The following MRPL3 variants were observed in gnomAD, a reference collection of about 807,000 sequenced individuals.
The protein encoded by MRPL3 is mitochondrial ribosomal protein L3.
MRPL3 carries 43 observed loss-of-function variants against 44.3 expected under a neutral mutation model. The observed-to-expected ratio is 0.97, with a 90% CI of 0.76 to 1.25. The LOEUF (loss-of-function observed/expected upper bound fraction) is 1.25, where lower values mean the gene tolerates loss of function less well. MRPL3 is among the 50% of genes most tolerant of loss of function. The pLI, the probability that MRPL3 is intolerant of heterozygous loss-of-function variation, is 0.00. For synonymous variants in MRPL3, 171 were observed against 152.3 expected (o/e 1.12, Z -0.91); for missense variants, 406 against 427.6 (o/e 0.95, Z 0.45).
intron 3 of MRPL3, among the ~76,000 whole-genome samples, chr3:131,498,498 C>A (rs1301831752): frequency 6.6e-6 from 1 of 151,224 alleles, no homozygotes; most frequent in Non-Finnish European, 1.5e-5. Context: ...GTCAGGAGAT[C>A]GAGACCATCC....
Position 131,462,880 on chromosome 3 carries a change from G to A in MRPL3, c.895-5C>T, listed in dbSNP as rs778104029. ...AGGCAGTTTAGAATCTTTGACCTGA[G>A]AGAAGGCAAAAATCTTAGTGAAACC... On this transcript the variant is annotated splice_polypyrimidine_tract_variant and splice_region_variant and intron_variant, in intron 9 of 9. Coordinates refer to ENST00000264995, the MANE Select transcript of MRPL3 (RefSeq NM_007208.4). 10 of 1,601,216 alleles carry A rather than the reference G, an allele frequency of 6.2e-6. No homozygotes were observed. Among genetic ancestry groups the A allele is most frequent in the Non-Finnish European group, 7.7e-6 (9 of 1,172,548 alleles).
At chr3:131,502,596 G>T in intron 1 of MRPL3, 134 bp downstream of exon 1, 1 of 686,732 alleles carries the variant, frequency 1.5e-6, no homozygotes, top group Non-Finnish European at 2.4e-6. Context: ...TTAGGTTAAC[G>T]GCCCTTATTC....
At chr3:131,497,497 G>C (rs1371233423) in intron 4 of MRPL3, among the ~76,000 whole-genome samples, 1 of 152,102 alleles carries the variant, frequency 6.6e-6, no homozygotes, top group Non-Finnish European at 1.5e-5. Flanking sequence ...GTTTGTCTTA[G>C]AGATAAGCAA....
chr3:131,471,803 G>A (rs1459892977), intron 6 of MRPL3, among the ~76,000 whole-genome samples: 2 of 152,142 alleles, frequency 1.3e-5, no homozygotes, highest in East Asian at 1.9e-4. Context: ...TGGTTACAAA[G>A]AGACTGTAGC....
chr3:131,469,682 CT>C lies in MRPL3; in HGVS notation c.816+13del, dbSNP rs1214086864. The C allele has an allele frequency of 1.9e-6, 3 of 1,591,548 alleles. No homozygotes were observed. Among genetic ancestry groups the C allele is most frequent in the Non-Finnish European group, 2.6e-6 (3 of 1,163,748 alleles). ...ATTTAGCTGTTCCTAAAAAGAACCA[CT>C]TGTAACACTTACTTTCAGTCCATAT... On this transcript the variant is annotated intron_variant, in intron 8 of 9. Transcript: ENST00000264995.
At chr3:131,496,706 C>G (rs7612597) in intron 4 of MRPL3, among the ~76,000 whole-genome samples, 11,180 of 152,244 alleles carry the variant, frequency 0.073, 1,042 homozygotes, top group African/African-American at 0.21. Context: ...AGGCTCTTAT[C>G]AACTCTCCCC....
At chr3:131,472,661 A>G (rs1933765429) in intron 6 of MRPL3, among the ~76,000 whole-genome samples, 1 of 152,164 alleles carries the variant, frequency 6.6e-6, no homozygotes, top group African/African-American at 2.4e-5. Flanking sequence ...TGCAGATGAT[A>G]TATCATATAT....
chr3:131,495,936 A>T (rs1934362160), intron 4 of MRPL3, among the ~76,000 whole-genome samples: 1 of 152,160 alleles, frequency 6.6e-6, no homozygotes, highest in African/African-American at 2.4e-5. Context: ...AAAGGTGAGT[A>T]TAGGGGACCT....
intron 2 of MRPL3, among the ~76,000 whole-genome samples, chr3:131,500,759 GA>G (rs1236945503): frequency 5.3e-5 from 8 of 152,276 alleles, no homozygotes; most frequent in African/African-American, 1.9e-4. Context: ...ATAAATATAT[GA>G]AATAAAGAAA....
At chr3:131,463,181 T>C (rs185580078) in intron 9 of MRPL3, among the ~76,000 whole-genome samples, 1 of 152,294 alleles carries the variant, frequency 6.6e-6, no homozygotes, top group African/African-American at 2.4e-5. Context: ...AATTACTACT[T>C]GAATTTCATT....
intron 1 of MRPL3, chr3:131,501,992 A>T: frequency 1.5e-6 from 2 of 1,311,360 alleles, no homozygotes; most frequent in South Asian, 2.6e-5. Context: ...CTACCTATAG[A>T]CATGAAAAGC....
chr3:131,468,462 A>C (rs1033466214), intron 8 of MRPL3, among the ~76,000 whole-genome samples: 1 of 152,140 alleles, frequency 6.6e-6, no homozygotes, highest in Non-Finnish European at 1.5e-5. Flanking sequence ...AACAATAACA[A>C]GTGGAAATTC....
intron 5 of MRPL3, 102 bp from the exon 6 acceptor site, chr3:131,487,842 A>C: frequency 1.2e-6 from 1 of 830,118 alleles, no homozygotes; most frequent in Non-Finnish European, 1.9e-6. Flanking sequence ...CTGATTTCAA[A>C]AATGGTAAGA....
chr3:131,475,937 A>G (rs1376940227), intron 6 of MRPL3, among the ~76,000 whole-genome samples: 1 of 152,218 alleles, frequency 6.6e-6, no homozygotes, highest in Admixed American at 6.5e-5. Context: ...AGAGACTGGC[A>G]ACACTAATCT....
chr3:131,462,503 A>G lies in MRPL3; in HGVS notation c.*220T>C. Reference sequence around the variant, plus strand: ...TATTTTGCTAATATGCCCAACACCAATTTCAGCAAATCCAATCTACTTAAC... The same window carrying G: ...TATTTTGCTAATATGCCCAACACCAGTTTCAGCAAATCCAATCTACTTAAC... On this transcript the variant is annotated 3_prime_UTR_variant, in exon 10 of 10. Coordinates refer to ENST00000264995, the MANE Select transcript of MRPL3 (RefSeq NM_007208.4). 2.6e-6 allele frequency: 1 copy of G among 379,362 alleles called. No individual in the cohort carries two copies. The highest frequency in any genetic ancestry group is 3.9e-5 in the East Asian group (1 of 25,338). The allele number at this position is 379,362 out of a possible 1,614,324, so 23.5% of individuals were successfully genotyped here.
chr3:131,468,103 ATTT>A lies in MRPL3; in HGVS notation c.879_881del (p.Lys293del). ...CACTTATACTTACCTTTACTAAGCA[ATTT>A]TTATGTCCAGGTACAGAGCCATTTA... On this transcript the variant is annotated inframe_deletion, in exon 9 of 10. Transcript: ENST00000264995. 6.4e-7 allele frequency: 1 copy of A among 1,567,482 alleles called. No homozygotes were observed. Among genetic ancestry groups the A allele is most frequent in the Non-Finnish European group, 8.6e-7 (1 of 1,159,486 alleles).
intron 4 of MRPL3, among the ~76,000 whole-genome samples, chr3:131,495,811 T>C (rs1261802418): frequency 6.6e-6 from 1 of 152,206 alleles, no homozygotes; most frequent in East Asian, 1.9e-4. Flanking sequence ...AAACTTGTTT[T>C]TTCTTGAGAA....
intron 5 of MRPL3, among the ~76,000 whole-genome samples, chr3:131,489,327 C>T (rs1044905105): frequency 6.6e-6 from 1 of 152,082 alleles, no homozygotes; most frequent in African/African-American, 2.4e-5. Context: ...CCCTCTGTCA[C>T]ACCAATAAAA....
At chr3:131,483,206 T>C (rs554819736) in intron 6 of MRPL3, among the ~76,000 whole-genome samples, 24 of 152,240 alleles carry the variant, frequency 1.6e-4, no homozygotes, top group African/African-American at 4.6e-4. Context: ...TGGAATATAA[T>C]TGCTACTATA....
Sources: gnomAD v4.1 joint callset for allele counts (sites outside exome capture counted in the v4.1 genomes callset) on GRCh38, gnomAD v4.1.1 for gene constraint, MANE v1.5 for transcripts, NCBI Gene and HGNC (gene_info 2026-07-23, HGNC 2026-07-21) for gene names.